Variants in NCAM1 observed in about 807,000 individuals in gnomAD.
The protein encoded by NCAM1 is neural cell adhesion molecule 1, also known as antigen recognized by monoclonal antibody 5.1H11.
Under a neutral mutation model 109.8 loss-of-function variants are expected in NCAM1, and 14 were observed. That is an observed-to-expected ratio of 0.13 (90% CI 0.08 to 0.20). NCAM1 has a LOEUF of 0.20. Among genes scored for constraint, NCAM1 ranks in the 10% least tolerant of loss-of-function variants. NCAM1 has a pLI of 1.00. For missense variants in NCAM1, 774 were observed against 1,109.9 expected (o/e 0.70, Z 4.30); for synonymous variants, 418 against 442.9 (o/e 0.94, Z 0.70).
chr11:112,967,076 T>C (rs1336865319), intron 1 of NCAM1, among the ~76,000 whole-genome samples: 1 of 152,246 alleles, frequency 6.6e-6, no homozygotes, highest in Non-Finnish European at 1.5e-5. Flanking sequence ...TTTAAAAGGC[T>C]TCTATGTAAC....
intron 1 of NCAM1, among the ~76,000 whole-genome samples, chr11:113,012,461 G>T (rs1461717863): frequency 6.6e-6 from 1 of 152,180 alleles, no homozygotes; most frequent in Non-Finnish European, 1.5e-5. Flanking sequence ...GTGTTCTGTA[G>T]TAATGCACCA....
At position 113,109,660 on chromosome 11, in the gene NCAM1, T is replaced by C. The variant is rs551305394; in HGVS notation, c.53-92719T>C. 1.1e-3 allele frequency among the ~76,000 whole-genome samples: 168 copies of C among 152,324 alleles called. 1 individual carries two copies. Among genetic ancestry groups the C allele is most frequent in the South Asian group, 8.9e-3 (43 of 4,830 alleles). ...TGTTTTGTTGTTCAGAGAAGATGTA[T>C]ATAAATAATGAATCCAAGGTAGAAA... On this transcript the variant is annotated intron_variant, in intron 1 of 19. Coordinates refer to ENST00000316851, the MANE Select transcript of NCAM1 (RefSeq NM_181351.5).
intron 1 of NCAM1, among the ~76,000 whole-genome samples, chr11:113,189,805 C>T (rs76814337): frequency 0.026 from 3,936 of 150,422 alleles, 162 homozygotes; most frequent in African/African-American, 0.091. Flanking sequence ...TTAAGAAAAT[C>T]GTGAAAGAAC....
At chr11:112,986,821 C>CA (rs1244029024) in intron 1 of NCAM1, among the ~76,000 whole-genome samples, 1 of 151,636 alleles carries the variant, frequency 6.6e-6, no homozygotes, top group Non-Finnish European at 1.5e-5. Flanking sequence ...AAACTTTTGT[C>CA]AATTTTTATC....
At chr11:113,155,609 TGAG>T (rs1344618182) in intron 1 of NCAM1, among the ~76,000 whole-genome samples, 2 of 152,106 alleles carry the variant, frequency 1.3e-5, no homozygotes, top group Non-Finnish European at 2.9e-5. Flanking sequence ...CATAGGAAAT[TGAG>T]GAGCTTTGAG....
chr11:113,036,386 G>C (rs1006339969), intron 1 of NCAM1, among the ~76,000 whole-genome samples: 1 of 151,676 alleles, frequency 6.6e-6, no homozygotes, highest in Non-Finnish European at 1.5e-5. Flanking sequence ...CTTCTCTCTG[G>C]CCTGCCTGGC....
intron 1 of NCAM1, among the ~76,000 whole-genome samples, chr11:113,194,731 C>T (rs781846302): frequency 3.3e-5 from 5 of 152,168 alleles, no homozygotes; most frequent in Non-Finnish European, 7.3e-5. Flanking sequence ...TGTTCCTAGC[C>T]AGAAAAGACT....
intron 1 of NCAM1, among the ~76,000 whole-genome samples, chr11:113,122,318 A>G (rs1555096277): frequency 6.6e-6 from 1 of 152,210 alleles, no homozygotes; most frequent in Non-Finnish European, 1.5e-5. Context: ...TATTAACTGC[A>G]CTGTATTAAA....
At chr11:113,016,005 G>A (rs1952197378) in intron 1 of NCAM1, among the ~76,000 whole-genome samples, 1 of 152,156 alleles carries the variant, frequency 6.6e-6, no homozygotes, top group South Asian at 2.1e-4. Flanking sequence ...GCGGGATCAG[G>A]ATGATGGTGG....
chr11:113,074,819 A>G (rs1938453652), intron 1 of NCAM1, among the ~76,000 whole-genome samples: 1 of 152,036 alleles, frequency 6.6e-6, no homozygotes, highest in South Asian at 2.1e-4. Context: ...TTTAGTAGAG[A>G]GGAGCGTTCA....
chr11:113,079,624 A>G (rs956929182), intron 1 of NCAM1, among the ~76,000 whole-genome samples: 2 of 152,218 alleles, frequency 1.3e-5, no homozygotes, highest in African/African-American at 4.8e-5. Context: ...TTTGTGATAT[A>G]CATTTTTTGG....
At chr11:113,040,918 T>G (rs992971651) in intron 1 of NCAM1, 7 of 152,264 alleles carry the variant, frequency 4.6e-5, no homozygotes, top group Admixed American at 1.3e-4. Context: ...ATTATTCTGT[T>G]ACAATAGGTA....
chr11:113,240,598 C>T (rs17115246), intron 14 of NCAM1: 11,498 of 619,610 alleles, frequency 0.019, 136 homozygotes, highest in African/African-American at 0.041. Flanking sequence ...CAAGGTTTGA[C>T]GTTAGAGAGA....
chr11:113,177,756 A>G (rs1297514024), intron 1 of NCAM1, among the ~76,000 whole-genome samples: 4 of 152,074 alleles, frequency 2.6e-5, no homozygotes, highest in Non-Finnish European at 4.4e-5. Flanking sequence ...TCTTTCCTAC[A>G]GTTTGTAGCC....
At chr11:113,262,992 T>C in intron 17 of NCAM1, 2 of 1,567,744 alleles carry the variant, frequency 1.3e-6, no homozygotes, top group Admixed American at 3.8e-5. Context: ...AGTGCCCCCT[T>C]TGGAAGAACC....
At position 113,205,664 on chromosome 11, in the gene NCAM1, A is replaced by T; in HGVS notation, c.488A>T (p.Asp163Val). 1 of 1,612,844 alleles carries T rather than the reference A, an allele frequency of 6.2e-7. No individual in the cohort carries two copies. The highest frequency in any genetic ancestry group is 8.5e-7 in the Non-Finnish European group (1 of 1,179,520). ...GGCCGAGATGTCATCCTGAAAAAAG[A>T]TGGTGAGACCTGAATTTCCTGGCAT... ...HKGRDVILKK[D>V]VRFIVLSNNY... Residue 163 changes from aspartate to valine, a missense_variant and splice_region_variant, in exon 4 of 20, where the codon GAT (aspartate) becomes GTT (valine). Asp to Val is a radical substitution (Grantham distance 152, BLOSUM62 -3). Around this residue, in one of 4 missense-constraint regions of NCAM1, gnomAD observed 523 missense variants for 784.2 expected, o/e 0.67. Transcript: ENST00000316851.
intron 1 of NCAM1, among the ~76,000 whole-genome samples, chr11:113,155,922 G>C (rs1385380975): frequency 6.6e-6 from 1 of 152,010 alleles, no homozygotes; most frequent in Non-Finnish European, 1.5e-5. Flanking sequence ...AGACTCTTCT[G>C]TCTCCACATT....
intron 7 of NCAM1, among the ~76,000 whole-genome samples, chr11:113,211,658 G>A (rs959456430): frequency 3.3e-5 from 5 of 152,304 alleles, no homozygotes; most frequent in Non-Finnish European, 5.9e-5. Flanking sequence ...GTGGCCAGGA[G>A]CCCTGTGTCT....
At chr11:113,164,688 G>A (rs1201895872) in intron 1 of NCAM1, among the ~76,000 whole-genome samples, 1 of 152,206 alleles carries the variant, frequency 6.6e-6, no homozygotes, top group Non-Finnish European at 1.5e-5. Context: ...AAGAGGTTCA[G>A]AGCTTCCATG....
Sources: gnomAD v4.1 joint callset for allele counts (sites outside exome capture counted in the v4.1 genomes callset) on GRCh38, gnomAD v4.1.1 for gene constraint, gnomAD v4.1.1 regional missense constraint, MANE v1.5 for transcripts, NCBI Gene and HGNC (gene_info 2026-07-23, HGNC 2026-07-21) for gene names.